UBAC2: variants seen among roughly 807,000 people sequenced by gnomAD.
UBAC2 encodes ubiquitin-associated domain-containing protein 2.
UBAC2 carries 26 observed loss-of-function variants against 44.0 expected under a neutral mutation model. The ratio of observed to expected loss-of-function variants is 0.59; its 90% confidence interval spans 0.43 to 0.82. The LOEUF (loss-of-function observed/expected upper bound fraction) is 0.82, where lower values mean the gene tolerates loss of function less well. Ranked by LOEUF, UBAC2 falls within the 40% of genes least tolerant of loss-of-function variation. The pLI, the probability that UBAC2 is intolerant of heterozygous loss-of-function variation, is 0.00. For synonymous variants in UBAC2, 155 were observed against 154.3 expected (o/e 1.00, Z -0.04); for missense variants, 329 against 419.4 (o/e 0.78, Z 1.88).
chr13:99,203,149 G>A lies in UBAC2; in HGVS notation c.31+2210G>A, dbSNP rs113865163. ...CCTCCCGAGTTCAAGCGATTCTCCC[G>A]CCTCAGCCTCCCAAGTAGCTGGGAT... On this transcript the variant is annotated intron_variant, in intron 1 of 8. Transcript: ENST00000403766. Among the ~76,000 whole-genome samples, 503 of 152,054 alleles carry A rather than the reference G, an allele frequency of 3.3e-3. 5 individuals are homozygous for A. The highest frequency in any genetic ancestry group is 0.012 in the African/African-American group (482 of 41,444).
intron 7 of UBAC2, among the ~76,000 whole-genome samples, chr13:99,347,251 T>C (rs2044998537): frequency 7.0e-6 from 1 of 143,264 alleles, no homozygotes; most frequent in South Asian, 2.2e-4. Context: ...CCAGGGAGCC[T>C]GCGGAGTAGA....
chr13:99,247,449 C>T (rs1046812880), intron 4 of UBAC2, among the ~76,000 whole-genome samples: 46 of 150,110 alleles, frequency 3.1e-4, no homozygotes, highest in Admixed American at 8.6e-4. Context: ...CTCCTGACCT[C>T]GTGATCCGCC....
intron 1 of UBAC2, among the ~76,000 whole-genome samples, chr13:99,223,705 T>C (rs1448307040): frequency 1.3e-5 from 2 of 152,080 alleles, no homozygotes; most frequent in African/African-American, 4.8e-5. Context: ...TTTTATTCTG[T>C]TTTAAATATA....
intron 8 of UBAC2, among the ~76,000 whole-genome samples, chr13:99,382,891 C>T (rs1034320206): frequency 5.9e-5 from 9 of 152,164 alleles, no homozygotes; most frequent in Admixed American, 5.9e-4. Flanking sequence ...ACGGTACCCA[C>T]AGGCCTGGGT....
chr13:99,222,114 G>T (rs2043058045), intron 1 of UBAC2, among the ~76,000 whole-genome samples: 1 of 152,174 alleles, frequency 6.6e-6, no homozygotes, highest in Admixed American at 6.5e-5. Flanking sequence ...CTGGCTATGG[G>T]GATATGGCAG....
At chr13:99,255,935 T>C in intron 4 of UBAC2, 1 of 1,437,044 alleles carries the variant, frequency 7.0e-7, no homozygotes, top group South Asian at 1.5e-5. Flanking sequence ...AAAATAAGAA[T>C]AAAATCGTTG....
intron 7 of UBAC2, among the ~76,000 whole-genome samples, chr13:99,358,763 A>G (rs2045224519): frequency 6.6e-6 from 1 of 152,072 alleles, no homozygotes; most frequent in South Asian, 2.1e-4. Flanking sequence ...CAGAGCCTAG[A>G]GATCTGGTTT....
Position 99,247,276 on chromosome 13 carries a change from G to A in UBAC2, c.389+2652G>A, listed in dbSNP as rs539235038. On this transcript the variant is annotated intron_variant, in intron 4 of 8. Transcript: ENST00000403766. ...GTCGCCCAGGCTGGAGTGCAGTGGC[G>A]CGATCTCGGCTCACTGCAAGCTCCG... is the stretch of plus-strand genomic sequence containing the variant. 5.1e-4 allele frequency among the ~76,000 whole-genome samples: 77 copies of A among 151,408 alleles called. 3 individuals carry two copies. In the East Asian group the frequency reaches 0.015, roughly 29 times the overall value.
intron 4 of UBAC2, among the ~76,000 whole-genome samples, chr13:99,307,135 G>A (rs556215226): frequency 1.4e-3 from 216 of 152,272 alleles, no homozygotes; most frequent in African/African-American, 4.6e-3. Context: ...TGGACCCATC[G>A]CTTTCAGTCA....
At chr13:99,210,483 T>C (rs1400339700) in intron 1 of UBAC2, among the ~76,000 whole-genome samples, 1 of 150,148 alleles carries the variant, frequency 6.7e-6, no homozygotes, top group Admixed American at 6.6e-5. Flanking sequence ...CTTTTCTTTT[T>C]TTTTTTTTTT....
At chr13:99,213,399 C>T (rs1003801492) in intron 1 of UBAC2, among the ~76,000 whole-genome samples, 10 of 151,816 alleles carry the variant, frequency 6.6e-5, no homozygotes, top group Admixed American at 1.3e-4. Flanking sequence ...CTTGCTCTGT[C>T]GTCCAGCCTG....
At chr13:99,249,524 T>G (rs1387819433) in intron 4 of UBAC2, among the ~76,000 whole-genome samples, 1 of 152,234 alleles carries the variant, frequency 6.6e-6, no homozygotes, top group African/African-American at 2.4e-5. Context: ...GTCTTTTTGG[T>G]AGAATGATTT....
At chr13:99,214,841 G>A (rs1386236831) in intron 1 of UBAC2, among the ~76,000 whole-genome samples, 2 of 152,124 alleles carry the variant, frequency 1.3e-5, no homozygotes, top group Non-Finnish European at 2.9e-5. Context: ...CTGTGGGTGG[G>A]GAAGGGTTTG....
intron 6 of UBAC2, among the ~76,000 whole-genome samples, chr13:99,328,196 T>G (rs2044666786): frequency 6.6e-6 from 1 of 152,248 alleles, no homozygotes; most frequent in South Asian, 2.1e-4. Flanking sequence ...TAAGTAACAA[T>G]TAATAGATTA....
intron 6 of UBAC2, among the ~76,000 whole-genome samples, chr13:99,335,154 ATCACAGT>A (rs770718557): frequency 1.3e-5 from 2 of 152,226 alleles, no homozygotes; most frequent in Non-Finnish European, 2.9e-5. Context: ...CAAATCAACA[ATCACAGT>A]TGAATACTTT....
At chr13:99,292,577 A>G (rs143383399) in intron 4 of UBAC2, among the ~76,000 whole-genome samples, 7 of 152,304 alleles carry the variant, frequency 4.6e-5, no homozygotes, top group Non-Finnish European at 8.8e-5. Flanking sequence ...TACATAATAT[A>G]TGGACTGTTT....
At chr13:99,358,820 G>A (rs1438276146) in intron 7 of UBAC2, among the ~76,000 whole-genome samples, 1 of 152,180 alleles carries the variant, frequency 6.6e-6, no homozygotes, top group African/African-American at 2.4e-5. Context: ...AGGGGACACA[G>A]CAAGAGATAT....
At chr13:99,309,612 T>C (rs1489797672) in intron 4 of UBAC2, among the ~76,000 whole-genome samples, 3 of 152,180 alleles carry the variant, frequency 2.0e-5, no homozygotes, top group Non-Finnish European at 4.4e-5. Flanking sequence ...TTTTGTTTGT[T>C]TGTTTGGAGA....
chr13:99,234,137 C>A (rs924503551), intron 1 of UBAC2, among the ~76,000 whole-genome samples: 6 of 145,774 alleles, frequency 4.1e-5, no homozygotes, highest in African/African-American at 1.5e-4. Flanking sequence ...TTTTCTGAGT[C>A]TCCATCATGG....
Sources: gnomAD v4.1 joint callset for allele counts (sites outside exome capture counted in the v4.1 genomes callset) on GRCh38, gnomAD v4.1.1 for gene constraint, MANE v1.5 for transcripts, NCBI Gene and HGNC (gene_info 2026-07-23, HGNC 2026-07-21) for gene names.